SPPL3: variants seen among roughly 807,000 people sequenced by gnomAD.
SPPL3 encodes the protein signal peptide peptidase-like 3.
Under a neutral mutation model 42.4 loss-of-function variants are expected in SPPL3, and 5 were observed. That is an observed-to-expected ratio of 0.12 (90% CI 0.06 to 0.25). SPPL3 has a LOEUF of 0.25. SPPL3 is among the 10% of genes least tolerant of loss of function. The pLI is 1.00. For synonymous variants in SPPL3, 195 were observed against 181.8 expected (o/e 1.07, Z -0.58); for missense variants, 235 against 489.0 (o/e 0.48, Z 4.90).
chr12:120,892,335 G>C (rs1261641753), intron 1 of SPPL3, among the ~76,000 whole-genome samples: 1 of 152,104 alleles, frequency 6.6e-6, no homozygotes, highest in Non-Finnish European at 1.5e-5. Flanking sequence ...AATCCTGAGT[G>C]CTGCCCACAT....
At chr12:120,766,112 A>T in intron 10 of SPPL3, 151 bp downstream of exon 10, 1 of 133,194 alleles carries the variant, frequency 7.5e-6, no homozygotes, top group Non-Finnish European at 1.5e-5. Context: ...ACACACACAC[A>T]CACACACACA....
chr12:120,785,974 G>A (rs905002799), intron 3 of SPPL3, among the ~76,000 whole-genome samples: 10 of 146,668 alleles, frequency 6.8e-5, no homozygotes, highest in Non-Finnish European at 1.4e-4. Flanking sequence ...AATAAAATAT[G>A]TAACCAGGAT....
At position 120,800,214 on chromosome 12, in the gene SPPL3, A is replaced by G. The variant is rs114713244; in HGVS notation, c.102-8657T>C. Among the ~76,000 whole-genome samples, 715 of 152,280 alleles carry G rather than the reference A, an allele frequency of 4.7e-3. 8 individuals are homozygous for G. Among genetic ancestry groups the G allele is most frequent in the African/African-American group, 0.016 (656 of 41,580 alleles). On this transcript the variant is annotated intron_variant, in intron 2 of 10. Transcript: ENST00000353487. ...TTTGCAAGTCTAGGTACTGAAATCA[A>G]TGTTTAGGTCAGGTGCGGTGGTTCA...
chr12:120,866,740 G>A (rs1346688121), intron 1 of SPPL3, among the ~76,000 whole-genome samples: 2 of 152,172 alleles, frequency 1.3e-5, no homozygotes, highest in Non-Finnish European at 2.9e-5. Context: ...AAAGTCTAGT[G>A]ATTTTTCTGA....
At chr12:120,839,783 A>C (rs955325474) in intron 1 of SPPL3, among the ~76,000 whole-genome samples, 12 of 152,178 alleles carry the variant, frequency 7.9e-5, no homozygotes, top group Non-Finnish European at 1.8e-4. Context: ...ACACAGAGTT[A>C]CCATATGACC....
intron 2 of SPPL3, among the ~76,000 whole-genome samples, chr12:120,805,167 A>G (rs1415064694): frequency 6.6e-6 from 1 of 152,174 alleles, no homozygotes. Flanking sequence ...CGGCTGAACA[A>G]TTTTGTAAAT....
chr12:120,883,528 C>T (rs1056153892), intron 1 of SPPL3, among the ~76,000 whole-genome samples: 1 of 152,018 alleles, frequency 6.6e-6, no homozygotes, highest in Non-Finnish European at 1.5e-5. Flanking sequence ...CCTAAGAAAA[C>T]TCTGAAACAT....
chr12:120,892,980 T>TC lies in SPPL3; in HGVS notation c.23+10864dup, dbSNP rs149001285. Among the ~76,000 whole-genome samples, 223 of 33,080 alleles carry TC rather than the reference T, an allele frequency of 6.7e-3. 2 individuals carry two copies. The highest frequency in any genetic ancestry group is 0.016 in the African/African-American group (217 of 13,954). The allele number at this position is 33,080 out of a possible 152,430, so 21.7% of individuals were successfully genotyped here. Reference sequence around the variant, plus strand: ...CTGGGTGACAGAGCAAGACTCTGTCTCGGGAAAAAAAAAAAAAAAAATACA... The same window carrying TC: ...CTGGGTGACAGAGCAAGACTCTGTCTCCGGGAAAAAAAAAAAAAAAAATACA... On this transcript the variant is annotated intron_variant, in intron 1 of 10. Transcript: ENST00000353487.
At chr12:120,789,234 A>C (rs1869824571) in intron 3 of SPPL3, among the ~76,000 whole-genome samples, 1 of 151,750 alleles carries the variant, frequency 6.6e-6, no homozygotes, top group Admixed American at 6.6e-5. Context: ...CTGGAGGATC[A>C]CTTGAGGTCA....
rs1029105708 is a variant in SPPL3, at chr12:120,903,931, G to A, written c.-64C>T. The A allele has an allele frequency of 1.6e-6, 2 of 1,281,794 alleles. No individual in the cohort carries two copies. The highest frequency in any genetic ancestry group is 2.0e-6 in the Non-Finnish European group (2 of 1,012,354). The allele number at this position is 1,281,794 out of a possible 1,614,324, so 79.4% of individuals were successfully genotyped here. On this transcript the variant is annotated 5_prime_UTR_variant, in exon 1 of 11. Transcript: ENST00000353487. ...GGGCCCGGCGGCGGCGGGCTCGCTC[G>A]GGCCGTAGCTGAAGGCGCGGCCGGG...
At chr12:120,895,963 T>G (rs540790917) in intron 1 of SPPL3, among the ~76,000 whole-genome samples, 1 of 152,314 alleles carries the variant, frequency 6.6e-6, no homozygotes, top group Admixed American at 6.5e-5. Flanking sequence ...CTGAATACTT[T>G]TTGAATAATC....
Position 120,792,502 on chromosome 12 carries a change from C to G in SPPL3, c.102-945G>C, listed in dbSNP as rs539828224. 2.6e-5 allele frequency among the ~76,000 whole-genome samples: 4 copies of G among 152,006 alleles called. No homozygotes were observed. In the South Asian group the frequency reaches 8.3e-4, roughly 32 times the overall value. ...AGATCACGAGGTCAGAAGATCGAGACCATCCTGGCCAACATGGTGAAACCC... is the reference window on the plus strand; with the variant it reads ...AGATCACGAGGTCAGAAGATCGAGAGCATCCTGGCCAACATGGTGAAACCC... On this transcript the variant is annotated intron_variant, in intron 2 of 10. Coordinates refer to ENST00000353487, the MANE Select transcript of SPPL3 (RefSeq NM_139015.5).
chr12:120,781,555 G>GTGTTTTTTTTTT lies in SPPL3; in HGVS notation c.502+1099_502+1100insAAAAAAAAAACA, dbSNP rs1869541007. On this transcript the variant is annotated intron_variant, in intron 6 of 10. Transcript: ENST00000353487. ...TCTAATCCCATCTCCTTATTGTTAC[G>GTGTTTTTTTTTT]TTTTTTTTTTTTTTTTTTTTTTTTT... Among the ~76,000 whole-genome samples the GTGTTTTTTTTTT allele has an allele frequency of 1.2e-3, 76 of 63,008 alleles. 14 individuals carry two copies. Among genetic ancestry groups the GTGTTTTTTTTTT allele is most frequent in the African/African-American group, 3.1e-3 (45 of 14,642 alleles). The allele number at this position is 63,008 out of a possible 152,430, so 41.3% of individuals were successfully genotyped here. A position where few individuals can be genotyped will look rare whatever the true frequency, so the allele number is the denominator to read the frequency against.
At chr12:120,793,884 T>G (rs1030118011) in intron 2 of SPPL3, among the ~76,000 whole-genome samples, 1 of 152,228 alleles carries the variant, frequency 6.6e-6, no homozygotes, top group Admixed American at 6.5e-5. Context: ...GTTCTGTTGT[T>G]GGATGGAACA....
intron 1 of SPPL3, among the ~76,000 whole-genome samples, chr12:120,876,808 TACACACACACACAC>T (rs71076677): frequency 0.19 from 28,580 of 146,600 alleles, 4,272 homozygotes; most frequent in African/African-American, 0.41. Context: ...GAGAAACACA[TACACACACACACAC>T]ACACACACAC....
intron 1 of SPPL3, among the ~76,000 whole-genome samples, chr12:120,825,126 A>T (rs185242480): frequency 2.0e-4 from 31 of 151,342 alleles, no homozygotes; most frequent in African/African-American, 4.6e-4. Flanking sequence ...AAACTCATTT[A>T]AAAAAAAAGG....
chr12:120,788,461 C>A (rs1869795631), intron 3 of SPPL3, among the ~76,000 whole-genome samples: 1 of 152,148 alleles, frequency 6.6e-6, no homozygotes, highest in South Asian at 2.1e-4. Flanking sequence ...TTTTTAAGTT[C>A]TGATTTTTTG....
intron 1 of SPPL3, among the ~76,000 whole-genome samples, chr12:120,890,820 C>A (rs1219733579): frequency 6.6e-6 from 1 of 152,154 alleles, no homozygotes; most frequent in Non-Finnish European, 1.5e-5. Context: ...GAAAAGTCAA[C>A]AGGCCTTATT....
intron 3 of SPPL3, among the ~76,000 whole-genome samples, chr12:120,788,139 G>T (rs1181244161): frequency 6.6e-6 from 1 of 152,150 alleles, no homozygotes; most frequent in East Asian, 1.9e-4. Flanking sequence ...AACGCAAGAG[G>T]GCTCTTTGCT....
Sources: allele counts gnomAD v4.1 joint callset (sites outside exome capture counted in the v4.1 genomes callset), GRCh38; gene constraint gnomAD v4.1.1; transcripts MANE v1.5; gene names NCBI Gene and HGNC (gene_info 2026-07-23, HGNC 2026-07-21).